TRAPPC8: variants seen among roughly 807,000 people sequenced by gnomAD.
TRAPPC8 encodes the protein general sporulation gene 1 homolog.
In TRAPPC8, 54 loss-of-function variants were observed where a neutral mutation model predicts 174.3. The ratio of observed to expected loss-of-function variants is 0.31; its 90% CI spans 0.25 to 0.39. The LOEUF (loss-of-function observed/expected upper bound fraction) is 0.39. Ranked by LOEUF, TRAPPC8 falls within the 10% of genes least tolerant of loss-of-function variation. The pLI, the probability that TRAPPC8 is intolerant of heterozygous loss-of-function variation, is 1.00. For missense variants in TRAPPC8, 1,531 were observed against 1,699.1 expected, an observed-to-expected ratio of 0.90 and a Z score of 1.74; for synonymous variants, 630 against 579.9, an observed-to-expected ratio of 1.09 and a Z score of -1.24.
chr18:31,897,651 C>A, intron 11 of TRAPPC8, 135 bp downstream of exon 11: 2 of 513,808 alleles, frequency 3.9e-6, no homozygotes, highest in South Asian at 6.3e-5. Context: ...ACTAAAATAG[C>A]CATGTTGTAA....
chr18:31,894,061 ACCAACT>A (rs2145382165), intron 11 of TRAPPC8, among the ~76,000 whole-genome samples: 2 of 152,306 alleles, frequency 1.3e-5, no homozygotes, highest in East Asian at 3.9e-4. Flanking sequence ...TCAAGAACTG[ACCAACT>A]GAAGGCAGAT....
intron 26 of TRAPPC8, among the ~76,000 whole-genome samples, chr18:31,843,316 T>C (rs1259902639): frequency 4.6e-5 from 7 of 152,212 alleles, no homozygotes; most frequent in Non-Finnish European, 8.8e-5. Flanking sequence ...TTAAGTGAGC[T>C]GAATGAATGT....
intron 2 of TRAPPC8, among the ~76,000 whole-genome samples, chr18:31,925,539 CT>C (rs1327286281): frequency 6.6e-6 from 1 of 152,088 alleles, no homozygotes; most frequent in Non-Finnish European, 1.5e-5. Flanking sequence ...CTACATCCAA[CT>C]AACAGTAGTT....
intron 12 of TRAPPC8, among the ~76,000 whole-genome samples, chr18:31,878,990 A>G (rs1317670997): frequency 6.6e-6 from 1 of 152,234 alleles, no homozygotes; most frequent in East Asian, 1.9e-4. Context: ...AAATACTACT[A>G]GACTGAAGAC....
In TRAPPC8 at chr18:31,867,460, T is replaced by C; in HGVS notation, c.2405A>G (p.Glu802Gly). Residue 802 changes from glutamate to glycine, a missense_variant, in exon 17 of 29, where the codon GAA (glutamate) becomes GGA (glycine). Glu to Gly is a moderately conservative substitution (Grantham distance 98). Coordinates refer to ENST00000283351, the MANE Select transcript of TRAPPC8 (RefSeq NM_014939.5). ...EVKQLVTSEP[E>G]MIGAEVISEF... is the part of the protein sequence containing the mutation. Reference sequence around the variant, plus strand: ...TGAAATAACTTCAGCTCCAATCATTTCAGGTTCACTTGTAACCTAAAAAAT... The same window carrying C: ...TGAAATAACTTCAGCTCCAATCATTCCAGGTTCACTTGTAACCTAAAAAAT... 3 of 1,606,226 alleles carry C rather than the reference T, an allele frequency of 1.9e-6. No homozygotes were observed. Among genetic ancestry groups the C allele is most frequent in the Non-Finnish European group, 2.6e-6 (3 of 1,174,668 alleles).
intron 1 of TRAPPC8, among the ~76,000 whole-genome samples, chr18:31,940,272 C>T (rs1487113429): frequency 6.6e-6 from 1 of 151,802 alleles, no homozygotes; most frequent in Non-Finnish European, 1.5e-5. Context: ...GTCAGGAGTT[C>T]GAGACCAGCC....
At chr18:31,918,815 C>A (rs1282714558) in intron 2 of TRAPPC8, among the ~76,000 whole-genome samples, 1 of 152,096 alleles carries the variant, frequency 6.6e-6, no homozygotes, top group Non-Finnish European at 1.5e-5. Context: ...TTTTGTATCA[C>A]AATTATTCTT....
chr18:31,851,352 C>T lies in TRAPPC8; in HGVS notation c.3561+1094G>A, dbSNP rs565507373. Among the ~76,000 whole-genome samples, 16 of 152,274 alleles carry T rather than the reference C, an allele frequency of 1.1e-4. No individual in the cohort carries two copies. In the South Asian group the frequency reaches 3.3e-3, roughly 32 times the overall value. Reference sequence around the variant, plus strand: ...TACAAAATCTAGGTCCAATTATGGTCTGCAGGCTAATAATGTCAACCTCAC... The same window carrying T: ...TACAAAATCTAGGTCCAATTATGGTTTGCAGGCTAATAATGTCAACCTCAC... On this transcript the variant is annotated intron_variant, in intron 24 of 28. Transcript: ENST00000283351.
chr18:31,860,566 G>A (rs1328511971), intron 19 of TRAPPC8, among the ~76,000 whole-genome samples: 1 of 152,030 alleles, frequency 6.6e-6, no homozygotes, highest in African/African-American at 2.4e-5. Context: ...GTATAGATGG[G>A]TAACTACTTC....
At chr18:31,890,556 GAGT>G (rs1316584409) in intron 12 of TRAPPC8, among the ~76,000 whole-genome samples, 176 bp downstream of exon 12, 2 of 152,128 alleles carry the variant, frequency 1.3e-5, no homozygotes, top group African/African-American at 4.8e-5. Context: ...CCAAAGTTGT[GAGT>G]AGAAGATCAA....
chr18:31,930,682 C>T (rs953810402), intron 2 of TRAPPC8, among the ~76,000 whole-genome samples: 6 of 151,920 alleles, frequency 3.9e-5, no homozygotes, highest in Non-Finnish European at 8.8e-5. Context: ...ACCTGTAATC[C>T]CAGCACTTGG....
chr18:31,880,081 G>A (rs1477271750), intron 12 of TRAPPC8, among the ~76,000 whole-genome samples: 603 of 52,732 alleles, frequency 0.011, 15 homozygotes, highest in Non-Finnish European at 0.014. Context: ...TGAAACTATT[G>A]AAAAAAAAAA....
At chr18:31,916,866 T>C (rs1014544126) in intron 3 of TRAPPC8, among the ~76,000 whole-genome samples, 3 of 95,188 alleles carry the variant, frequency 3.2e-5, no homozygotes, top group South Asian at 3.6e-4. Context: ...AAAAAAAAAA[T>C]CCAATTTCAT....
chr18:31,860,184 C>T (rs956277584), intron 19 of TRAPPC8, among the ~76,000 whole-genome samples: 4 of 152,054 alleles, frequency 2.6e-5, no homozygotes, highest in African/African-American at 9.7e-5. Flanking sequence ...TGTGTGAGTA[C>T]AAAATGACAT....
chr18:31,900,088 G>C lies in TRAPPC8; in HGVS notation c.1490+837C>G, dbSNP rs147700870. On this transcript the variant is annotated intron_variant, in intron 10 of 28. Transcript: ENST00000283351. ...TCGTCTCTACTAAAAATACAAAATA[G>C]CCAGGCATGGTGGCGCGCACCTGTA... Among the ~76,000 whole-genome samples the C allele has an allele frequency of 6.1e-3, 924 of 152,058 alleles. 10 individuals carry two copies. Among genetic ancestry groups the C allele is most frequent in the African/African-American group, 0.021 (884 of 41,468 alleles).
intron 15 of TRAPPC8, 85 bp from the exon 16 acceptor site, chr18:31,870,587 T>G: frequency 1.4e-6 from 2 of 1,427,570 alleles, no homozygotes; most frequent in South Asian, 2.7e-5. Flanking sequence ...CATCTTGCTT[T>G]CATAGCTCTG....
In TRAPPC8 at chr18:31,890,877, T is replaced by A. The variant is rs1223119820; in HGVS notation, c.1597-11A>T. On this transcript the variant is annotated splice_polypyrimidine_tract_variant and intron_variant, in intron 11 of 28. Transcript: ENST00000283351. Reference sequence around the variant, plus strand: ...TCGAAGATCAGAATCCTAGTGAATGTTTAAAAGAGAAAAAGGTTAGTTTCA... The same window carrying A: ...TCGAAGATCAGAATCCTAGTGAATGATTAAAAGAGAAAAAGGTTAGTTTCA... 4.4e-6 allele frequency: 7 copies of A among 1,588,650 alleles called. No individual in the cohort carries two copies. The highest frequency in any genetic ancestry group is 1.7e-6 in the Non-Finnish European group (2 of 1,169,998).
intron 1 of TRAPPC8, among the ~76,000 whole-genome samples, chr18:31,935,588 C>T (rs1883819818): frequency 7.6e-6 from 1 of 130,728 alleles, no homozygotes; most frequent in Non-Finnish European, 1.6e-5. Flanking sequence ...ATGAACAAGC[C>T]TGCGATTATA....
At chr18:31,849,763 T>C (rs1388520541) in intron 24 of TRAPPC8, 24 bp from the exon 25 acceptor site, 1 of 1,559,552 alleles carries the variant, frequency 6.4e-7, no homozygotes, top group Non-Finnish European at 8.6e-7. Context: ...ATCACTTGTG[T>C]TCATAAATGC....
Sources: gnomAD v4.1 joint callset for allele counts (sites outside exome capture counted in the v4.1 genomes callset) on GRCh38, gnomAD v4.1.1 for gene constraint, MANE v1.5 for transcripts, NCBI Gene and HGNC (gene_info 2026-07-23, HGNC 2026-07-21) for gene names.